Variants in GPC5 observed in about 807,000 individuals in gnomAD.
GPC5 encodes the protein glypican-5.
In GPC5, 47 loss-of-function variants were observed where a neutral mutation model predicts 53.9. The ratio of observed to expected loss-of-function variants is 0.87; its 90% CI spans 0.69 to 1.11. The LOEUF (loss-of-function observed/expected upper bound fraction) is 1.11. GPC5 is among the 50% of genes most tolerant of loss of function. The probability of loss-of-function intolerance (pLI) is 0.00; values close to 1 mark genes in which losing one functional copy is unlikely to be tolerated. For synonymous variants in GPC5, 286 were observed against 263.3 expected, an observed-to-expected ratio of 1.09 and a Z score of -0.84; for missense variants, 748 against 713.1, an observed-to-expected ratio of 1.05 and a Z score of -0.56.
chr13:92,517,641 A>G (rs1437586174), intron 7 of GPC5, among the ~76,000 whole-genome samples: 1 of 152,202 alleles, frequency 6.6e-6, no homozygotes, highest in African/African-American at 2.4e-5. Context: ...AAGGAAAACT[A>G]ACAAACAGAA....
At chr13:92,090,055 G>C (rs1435900384) in intron 6 of GPC5, among the ~76,000 whole-genome samples, 1 of 152,132 alleles carries the variant, frequency 6.6e-6, no homozygotes, top group Non-Finnish European at 1.5e-5. Flanking sequence ...AGTATGTATG[G>C]AAGTACCTGC....
intron 7 of GPC5, among the ~76,000 whole-genome samples, chr13:92,246,301 T>C (rs2042650469): frequency 6.6e-6 from 1 of 152,132 alleles, no homozygotes; most frequent in Non-Finnish European, 1.5e-5. Flanking sequence ...ATTTCTATAA[T>C]AATAAGGATA....
chr13:91,588,259 C>A (rs2032670392), intron 2 of GPC5, among the ~76,000 whole-genome samples: 1 of 152,082 alleles, frequency 6.6e-6, no homozygotes, highest in Non-Finnish European at 1.5e-5. Flanking sequence ...CAAATTTGTA[C>A]CCTATGACCT....
intron 5 of GPC5, among the ~76,000 whole-genome samples, chr13:91,769,525 A>G (rs2037583704): frequency 6.6e-6 from 1 of 152,160 alleles, no homozygotes; most frequent in South Asian, 2.1e-4. Context: ...GGGAAATCAC[A>G]TTTAGGCTGA....
At chr13:91,546,876 T>C (rs1459851620) in intron 2 of GPC5, among the ~76,000 whole-genome samples, 1 of 152,074 alleles carries the variant, frequency 6.6e-6, no homozygotes, top group East Asian at 1.9e-4. Context: ...GATACAGTGG[T>C]TAGGTAGACC....
intron 7 of GPC5, among the ~76,000 whole-genome samples, chr13:92,416,561 G>A (rs1339420557): frequency 6.6e-6 from 1 of 152,092 alleles, no homozygotes; most frequent in East Asian, 1.9e-4. Context: ...CACCATATAC[G>A]AAAAATTAAT....
chr13:92,056,696 A>G (rs2041077181), intron 6 of GPC5, among the ~76,000 whole-genome samples: 1 of 152,074 alleles, frequency 6.6e-6, no homozygotes, highest in Admixed American at 6.5e-5. Flanking sequence ...AATTGGAATA[A>G]CTCAGTGTGT....
intron 6 of GPC5, among the ~76,000 whole-genome samples, chr13:92,052,032 T>C (rs577171641): frequency 1.3e-5 from 2 of 152,300 alleles, no homozygotes; most frequent in African/African-American, 4.8e-5. Flanking sequence ...CACAGAGGGC[T>C]TGTGCCACAT....
At chr13:92,379,212 G>A (rs2043718487) in intron 7 of GPC5, among the ~76,000 whole-genome samples, 1 of 152,134 alleles carries the variant, frequency 6.6e-6, no homozygotes, top group Non-Finnish European at 1.5e-5. Flanking sequence ...ATGTATGCGA[G>A]GCAGAGATCT....
intron 2 of GPC5, among the ~76,000 whole-genome samples, chr13:91,621,732 TAGTC>T (rs1393541459): frequency 7.8e-6 from 1 of 127,744 alleles, no homozygotes; most frequent in East Asian, 2.2e-4. Context: ...TAATATGTAT[TAGTC>T]AGGGTTCTCT....
chr13:91,907,681 T>A (rs901965173), intron 5 of GPC5, among the ~76,000 whole-genome samples: 1 of 151,622 alleles, frequency 6.6e-6, no homozygotes, highest in Non-Finnish European at 1.5e-5. Flanking sequence ...TGTTAAGTAG[T>A]ATCAAAAAAC....
At chr13:91,514,456 C>T (rs772703664) in intron 2 of GPC5, among the ~76,000 whole-genome samples, 1 of 151,996 alleles carries the variant, frequency 6.6e-6, no homozygotes, top group Non-Finnish European at 1.5e-5. Flanking sequence ...AGTGAAATAC[C>T]CGTTCATGTC....
intron 7 of GPC5, among the ~76,000 whole-genome samples, chr13:92,736,836 T>TA (rs1888949463): frequency 6.6e-6 from 1 of 151,916 alleles, no homozygotes; most frequent in East Asian, 1.9e-4. Flanking sequence ...TTATTATTAA[T>TA]ATATGCTCAT....
chr13:91,875,042 G>A (rs535609265), intron 5 of GPC5, among the ~76,000 whole-genome samples: 1 of 152,260 alleles, frequency 6.6e-6, no homozygotes, highest in Admixed American at 6.5e-5. Flanking sequence ...AAATTATCAG[G>A]TAATCTCAAA....
chr13:92,012,933 G>A (rs1366928118), intron 6 of GPC5, among the ~76,000 whole-genome samples: 1 of 152,184 alleles, frequency 6.6e-6, no homozygotes, highest in African/African-American at 2.4e-5. Context: ...AGGCACAAGT[G>A]AGTGCATGTG....
intron 6 of GPC5, among the ~76,000 whole-genome samples, chr13:92,111,706 A>G (rs1380381090): frequency 1.3e-5 from 2 of 152,192 alleles, no homozygotes; most frequent in African/African-American, 4.8e-5. Flanking sequence ...TCCAAAAAAA[A>G]GGTGATAACT....
chr13:91,489,192 C>T (rs1443914836), intron 2 of GPC5, among the ~76,000 whole-genome samples: 1 of 152,156 alleles, frequency 6.6e-6, no homozygotes, highest in Non-Finnish European at 1.5e-5. Context: ...ATCTTATTAC[C>T]TTGTGAAGCA....
chr13:92,459,251 C>T (rs1878389253), intron 7 of GPC5, among the ~76,000 whole-genome samples: 1 of 152,078 alleles, frequency 6.6e-6, no homozygotes, highest in African/African-American at 2.4e-5. Flanking sequence ...ATTTTGATAG[C>T]ACAAAGACAT....
intron 2 of GPC5, among the ~76,000 whole-genome samples, chr13:91,681,727 T>G (rs1309164593): frequency 6.6e-6 from 1 of 152,194 alleles, no homozygotes; most frequent in African/African-American, 2.4e-5. Context: ...TAGGATGCAG[T>G]TTTGTACTTC....
Sources: gnomAD v4.1 joint callset for allele counts (sites outside exome capture counted in the v4.1 genomes callset) on GRCh38, gnomAD v4.1.1 for gene constraint, MANE v1.5 for transcripts, NCBI Gene and HGNC (gene_info 2026-07-23, HGNC 2026-07-21) for gene names.